Variants in ZNF521 observed in about 807,000 individuals in gnomAD.
The protein encoded by ZNF521 is zinc finger protein 521, also known as LYST-interacting protein 3.
ZNF521 carries 14 observed loss-of-function variants against 105.5 expected under a neutral mutation model. The observed-to-expected ratio is 0.13, with a 90% CI of 0.09 to 0.21. ZNF521 has a LOEUF of 0.21. Ranked by LOEUF, ZNF521 falls within the 10% of genes least tolerant of loss-of-function variation. The pLI, the probability that ZNF521 is intolerant of heterozygous loss-of-function variation, is 1.00. For synonymous variants in ZNF521, 635 were observed against 606.0 expected (o/e 1.05, Z -0.70); for missense variants, 1,233 against 1,629.7 (o/e 0.76, Z 4.19).
At chr18:25,321,590 A>AT (rs1220790003) in intron 3 of ZNF521, among the ~76,000 whole-genome samples, 1 of 152,240 alleles carries the variant, frequency 6.6e-6, no homozygotes, top group Non-Finnish European at 1.5e-5. Flanking sequence ...ACACAAAAAA[A>AT]TGTGGCTAAC....
intron 5 of ZNF521, among the ~76,000 whole-genome samples, chr18:25,147,028 G>C (rs547721883): frequency 1.3e-5 from 2 of 152,224 alleles, no homozygotes; most frequent in East Asian, 3.9e-4. Flanking sequence ...AGGGTTTTCT[G>C]CTTTGGTTTT....
intron 5 of ZNF521, among the ~76,000 whole-genome samples, chr18:25,139,890 T>G (rs970801624): frequency 1.3e-5 from 2 of 152,082 alleles, no homozygotes; most frequent in African/African-American, 4.8e-5. Flanking sequence ...ATTAATGCCC[T>G]TATAAAAGAA....
At chr18:25,114,467 G>A (rs1056483015) in intron 5 of ZNF521, among the ~76,000 whole-genome samples, 35 of 152,142 alleles carry the variant, frequency 2.3e-4, no homozygotes, top group African/African-American at 8.2e-4. Context: ...TGAGGTCTTA[G>A]ATTTCTGGTT....
chr18:25,138,723 C>T (rs1429925833), intron 5 of ZNF521, among the ~76,000 whole-genome samples: 1 of 152,174 alleles, frequency 6.6e-6, no homozygotes, highest in African/African-American at 2.4e-5. Flanking sequence ...AAGACCATTT[C>T]ATTCAATGCC....
intron 7 of ZNF521, among the ~76,000 whole-genome samples, chr18:25,083,155 A>G (rs925937652): frequency 5.9e-5 from 9 of 152,220 alleles, no homozygotes; most frequent in African/African-American, 2.2e-4. Context: ...GGAGTGTATT[A>G]GTTTGGAATA....
intron 3 of ZNF521, among the ~76,000 whole-genome samples, chr18:25,298,801 C>G (rs983097296): frequency 1.3e-5 from 2 of 152,108 alleles, no homozygotes; most frequent in African/African-American, 4.8e-5. Context: ...AAATTGGAAG[C>G]AATTCACAGG....
At chr18:25,092,131 TA>T in intron 5 of ZNF521, 50 bp from the exon 6 acceptor site, 6 of 1,607,964 alleles carry the variant, frequency 3.7e-6, no homozygotes, top group Non-Finnish European at 1.7e-6. Context: ...GTCATATCTT[TA>T]ATACACTAGA....
intron 7 of ZNF521, among the ~76,000 whole-genome samples, chr18:25,074,736 G>A (rs1390090907): frequency 6.6e-6 from 1 of 151,890 alleles, no homozygotes; most frequent in Non-Finnish European, 1.5e-5. Context: ...ATTTGCTTCA[G>A]AAACCCACAC....
intron 3 of ZNF521, among the ~76,000 whole-genome samples, chr18:25,243,245 C>G (rs886074012): frequency 3.3e-5 from 5 of 151,822 alleles, no homozygotes; most frequent in Non-Finnish European, 1.5e-5. Context: ...CTTTTTTTTC[C>G]TTGTCCTTTT....
chr18:25,175,686 CTTTGA>C lies in ZNF521; in HGVS notation c.3658+19469_3658+19473del, dbSNP rs545541121. 4.1e-4 allele frequency among the ~76,000 whole-genome samples: 63 copies of C among 152,246 alleles called. No individual in the cohort carries two copies. In the East Asian group the frequency reaches 0.011, roughly 27 times the overall value. ...TGTCACTTTTAATAGACTACAAATT[CTTTGA>C]TTTAAGTGGTGAAATGACCTCCCTC... is the stretch of plus-strand genomic sequence containing the variant. On this transcript the variant is annotated intron_variant, in intron 5 of 7. Coordinates refer to ENST00000361524, the MANE Select transcript of ZNF521 (RefSeq NM_015461.3).
intron 7 of ZNF521, among the ~76,000 whole-genome samples, chr18:25,084,467 A>G (rs1328122888): frequency 2.0e-5 from 3 of 151,068 alleles, no homozygotes; most frequent in Non-Finnish European, 4.4e-5. Context: ...GAAGGAAATC[A>G]AATAGCTATA....
At chr18:25,135,098 T>C (rs931319411) in intron 5 of ZNF521, among the ~76,000 whole-genome samples, 2 of 152,032 alleles carry the variant, frequency 1.3e-5, no homozygotes, top group African/African-American at 4.8e-5. Context: ...TCAGCTAAAT[T>C]ATTTCACTAT....
intron 3 of ZNF521, among the ~76,000 whole-genome samples, chr18:25,253,454 T>C (rs1908254968): frequency 6.6e-6 from 1 of 152,200 alleles, no homozygotes; most frequent in East Asian, 1.9e-4. Context: ...CATTATATTT[T>C]TGTGACTTAT....
intron 5 of ZNF521, among the ~76,000 whole-genome samples, chr18:25,191,167 G>A (rs1390524812): frequency 6.6e-6 from 1 of 151,878 alleles, no homozygotes; most frequent in Non-Finnish European, 1.5e-5. Flanking sequence ...TACAACACTG[G>A]TCTCTCTAGT....
At chr18:25,335,857 C>T (rs955878307) in intron 2 of ZNF521, among the ~76,000 whole-genome samples, 7 of 152,102 alleles carry the variant, frequency 4.6e-5, no homozygotes, top group Non-Finnish European at 8.8e-5. Context: ...AACCAGCGAG[C>T]GCGGACAGAG....
In ZNF521 at chr18:25,202,080, G is replaced by T. The variant is rs749704486; in HGVS notation, c.3574-6836C>A. ...TGATATAAACTGTCTGTTGTCAAAG[G>T]TGAGTAGTTTTCACCCTTTTAAGTG... On this transcript the variant is annotated intron_variant, in intron 4 of 7. Coordinates refer to ENST00000361524, the MANE Select transcript of ZNF521 (RefSeq NM_015461.3). The T allele has an allele frequency of 7.9e-4, 121 of 152,260 alleles. 1 individual carries two copies. The highest frequency in any genetic ancestry group is 3.1e-4 in the Non-Finnish European group (21 of 68,022). The allele number at this position is 152,260 out of a possible 1,614,324, so 9.4% of individuals were successfully genotyped here. A position where few individuals can be genotyped will look rare whatever the true frequency, so the allele number is the denominator to read the frequency against.
intron 2 of ZNF521, chr18:25,327,727 T>C (rs1913310373): frequency 1.9e-6 from 1 of 517,502 alleles, no homozygotes; most frequent in African/African-American, 1.9e-5. Context: ...GGGAAATAAA[T>C]CGCACACTGT....
rs578235164 is a variant in ZNF521 at position 25,352,035 on chromosome 18, G to A, written c.-32C>T. The A allele has an allele frequency of 6.1e-6, 3 of 491,352 alleles. No homozygotes were observed. The highest frequency in any genetic ancestry group is 4.4e-5 in the South Asian group (3 of 68,536). 30.4% of individuals were successfully genotyped at this position (491,352 alleles called of 1,614,324 possible). On this transcript the variant is annotated 5_prime_UTR_variant, in exon 1 of 8. Coordinates refer to ENST00000361524, the MANE Select transcript of ZNF521 (RefSeq NM_015461.3). ...AGGTCTTGGACTGCGCTGTCGCTCC[G>A]GTAGTCCACATAATAATGGAAAATG...
rs45627540 is a variant in ZNF521 at position 25,112,675 on chromosome 18, T to C, written c.3659-20594A>G. Among the ~76,000 whole-genome samples the C allele has an allele frequency of 6.6e-3, 1,000 of 152,214 alleles. 4 individuals are homozygous for C. The highest frequency in any genetic ancestry group is 0.024 in the Middle Eastern group (7 of 294). ...GTGCGGGGGGGCAGAGTCCATAGAATCTATAATTTTGAGTTGATTAGGTAG... is the reference window on the plus strand; with the variant it reads ...GTGCGGGGGGGCAGAGTCCATAGAACCTATAATTTTGAGTTGATTAGGTAG... On this transcript the variant is annotated intron_variant, in intron 5 of 7. Coordinates refer to ENST00000361524, the MANE Select transcript of ZNF521 (RefSeq NM_015461.3).
Sources: allele counts gnomAD v4.1 joint callset (sites outside exome capture counted in the v4.1 genomes callset), GRCh38; gene constraint gnomAD v4.1.1; transcripts MANE v1.5; gene names NCBI Gene and HGNC (gene_info 2026-07-23, HGNC 2026-07-21).